ITIH5: variants seen among roughly 807,000 people sequenced by gnomAD.
The protein encoded by ITIH5 is inter-alpha-trypsin inhibitor heavy chain 5, also known as inter-alpha-trypsin inhibitor heavy chain H5.
A neutral mutation model predicts 77.5 loss-of-function variants in ITIH5; 65 were observed. The observed-to-expected ratio is 0.84, with a 90% CI of 0.69 to 1.03. The LOEUF is 1.03. Among genes scored for constraint, ITIH5 ranks in the 50% least tolerant of loss-of-function variants. The probability of loss-of-function intolerance (pLI) is 0.00; values close to 1 mark genes in which losing one functional copy is unlikely to be tolerated. For missense variants in ITIH5, 1,208 were observed against 1,213.1 expected, an observed-to-expected ratio of 1.00 and a Z score of 0.06; for synonymous variants, 525 against 494.3, an observed-to-expected ratio of 1.06 and a Z score of -0.82.
chr10:7,637,378 C>T lies in ITIH5; in HGVS notation c.502G>A (p.Gly168Ser). Residue 168 changes from glycine to serine, a missense_variant, in exon 5 of 14, where the codon GGC becomes AGC. Gly to Ser is a moderately conservative substitution (Grantham distance 56). Transcript: ENST00000397146. ...SYEELLQRRL[G>S]KYEHSISVRP... is the part of the protein sequence containing the mutation. ...ACGCTGATGCTGTGCTCGTACTTGC[C>T]CAGGCGCCTCTGCAGAAGCTCCTCA... The T allele has an allele frequency of 1.2e-6, 2 of 1,614,210 alleles. No individual in the cohort carries two copies. The highest frequency in any genetic ancestry group is 2.2e-5 in the South Asian group (2 of 91,088).
chr10:7,658,344 G>A (rs1010590456), intron 1 of ITIH5, among the ~76,000 whole-genome samples: 10 of 152,122 alleles, frequency 6.6e-5, no homozygotes, highest in African/African-American at 2.4e-4. Flanking sequence ...GCCATTCTAA[G>A]CCATTATAGA....
At chr10:7,586,397 G>A (rs1038251583) in intron 7 of ITIH5, among the ~76,000 whole-genome samples, 30 of 152,116 alleles carry the variant, frequency 2.0e-4, no homozygotes, top group African/African-American at 7.2e-4. Context: ...CACTTGACAA[G>A]CCCCTCATCA....
Position 7,573,165 on chromosome 10 carries a change from C to A in ITIH5, c.2009G>T (p.Arg670Ile). The part of the protein sequence containing the change: ...GPLLKKPYQP[R>I]IKISKTSVDG... ...ACCTGATGTTTTAGAGATTTTAATT[C>A]TTGGCTGGTATGGCTTCTTGAGCAA... Residue 670 changes from arginine (R) to isoleucine (I), a missense_variant, in exon 11 of 14, where the codon AGA becomes ATA. Coordinates refer to ENST00000397146, the MANE Select transcript of ITIH5 (RefSeq NM_030569.7). The A allele has an allele frequency of 1.2e-6, 2 of 1,613,764 alleles. No individual in the cohort carries two copies. The highest frequency in any genetic ancestry group is 1.3e-5 in the African/African-American group (1 of 74,968).
chr10:7,663,191 T>G (rs1228154821), intron 1 of ITIH5, among the ~76,000 whole-genome samples: 2 of 152,242 alleles, frequency 1.3e-5, no homozygotes. Context: ...CAATCCAGGC[T>G]TTGCACATAG....
chr10:7,651,378 G>A (rs988495635), intron 2 of ITIH5, among the ~76,000 whole-genome samples: 4 of 152,172 alleles, frequency 2.6e-5, no homozygotes, highest in African/African-American at 9.7e-5. Flanking sequence ...GAGGTCAGGA[G>A]TTTAAGACCA....
intron 5 of ITIH5, chr10:7,619,689 G>A (rs568723609): frequency 2.2e-5 from 5 of 230,314 alleles, no homozygotes; most frequent in South Asian, 1.7e-4. Context: ...ACTGGGAAGC[G>A]CCGGACTTTT....
At chr10:7,624,727 A>G (rs1398247159) in intron 5 of ITIH5, among the ~76,000 whole-genome samples, 1 of 146,572 alleles carries the variant, frequency 6.8e-6, no homozygotes, top group African/African-American at 2.5e-5. Context: ...CAGAGGTTGC[A>G]GTGAGCCAAG....
At chr10:7,581,195 A>G (rs1340240256) in intron 8 of ITIH5, among the ~76,000 whole-genome samples, 2 of 152,184 alleles carry the variant, frequency 1.3e-5, no homozygotes, top group African/African-American at 4.8e-5. Flanking sequence ...AGAAGACGGA[A>G]GTTGCAGTGA....
chr10:7,579,447 C>T lies in ITIH5; in HGVS notation c.1418+308G>A, dbSNP rs573198672. 1.5e-4 allele frequency among the ~76,000 whole-genome samples: 23 copies of T among 152,174 alleles called. 1 individual carries two copies. In the South Asian group the frequency reaches 4.8e-3, roughly 32 times the overall value. Reference sequence around the variant, plus strand: ...GGCTGAGGCAAGAGAATTGCTTGAACCCAGGAAGCAGAGGTTGCAGTGAGC... The same window carrying T: ...GGCTGAGGCAAGAGAATTGCTTGAATCCAGGAAGCAGAGGTTGCAGTGAGC... On this transcript the variant is annotated intron_variant, in intron 9 of 13. Transcript: ENST00000397146.
At chr10:7,608,114 C>T (rs959863203) in intron 7 of ITIH5, among the ~76,000 whole-genome samples, 1 of 152,168 alleles carries the variant, frequency 6.6e-6, no homozygotes, top group African/African-American at 2.4e-5. Flanking sequence ...ACTCACTGGG[C>T]AAGCTTGCAT....
At chr10:7,625,388 A>G (rs1022525093) in intron 5 of ITIH5, among the ~76,000 whole-genome samples, 1 of 152,118 alleles carries the variant, frequency 6.6e-6, no homozygotes. Context: ...AATGGGTACA[A>G]AGTTTCAGTT....
At chr10:7,659,287 G>T (rs995845359) in intron 1 of ITIH5, among the ~76,000 whole-genome samples, 3 of 152,004 alleles carry the variant, frequency 2.0e-5, no homozygotes, top group African/African-American at 7.3e-5. Context: ...GCTGAGGCAG[G>T]AGAATCTCTT....
intron 1 of ITIH5, among the ~76,000 whole-genome samples, chr10:7,656,746 CTTTT>C (rs34745417): frequency 3.5e-5 from 4 of 112,836 alleles, no homozygotes; most frequent in Non-Finnish European, 3.6e-5. Context: ...GTCTATTTTT[CTTTT>C]TTTTTTTTTT....
chr10:7,585,896 T>C lies in ITIH5; in HGVS notation c.1108+5A>G. On this transcript the variant is annotated splice_donor_5th_base_variant and intron_variant, in intron 8 of 13. Coordinates refer to ENST00000397146, the MANE Select transcript of ITIH5 (RefSeq NM_030569.7). ...GCCAATGTGAAAAGAAGGTGTCATC[T>C]TTACCTCCAGTGGGTGACATATGGT... is the stretch of plus-strand genomic sequence containing the variant. The C allele has an allele frequency of 6.3e-7, 1 of 1,598,688 alleles. No homozygotes were observed. The highest frequency in any genetic ancestry group is 8.5e-7 in the Non-Finnish European group (1 of 1,173,568).
chr10:7,618,804 T>C (rs966534002), intron 5 of ITIH5: 17 of 152,252 alleles, frequency 1.1e-4, no homozygotes, highest in Non-Finnish European at 2.1e-4. Flanking sequence ...TTCCTTCTGC[T>C]GAGGGTTTAT....
chr10:7,640,746 A>G lies in ITIH5; in HGVS notation c.401+8T>C, dbSNP rs1361738553. The G allele has an allele frequency of 6.3e-7, 1 of 1,581,756 alleles. No homozygotes were observed. Among genetic ancestry groups the G allele is most frequent in the South Asian group, 1.1e-5 (1 of 90,312 alleles). On this transcript the variant is annotated splice_region_variant and intron_variant, in intron 4 of 13. Transcript: ENST00000397146. ...GGGTTTTTAATTCCTTAATTAACCA[A>G]TACTTACCCATTTTCTTCTGTGGTT...
chr10:7,653,162 T>C (rs968033165), intron 2 of ITIH5, among the ~76,000 whole-genome samples: 3 of 152,152 alleles, frequency 2.0e-5, no homozygotes, highest in Non-Finnish European at 4.4e-5. Flanking sequence ...TGAATACAGA[T>C]AGTGTTAAGA....
intron 3 of ITIH5, among the ~76,000 whole-genome samples, chr10:7,641,519 T>C (rs1305165704): frequency 1.3e-5 from 2 of 150,594 alleles, no homozygotes; most frequent in Non-Finnish European, 1.5e-5. Context: ...ATAAAGGTCA[T>C]TCATTTGTTG....
At chr10:7,601,373 C>T (rs1833012256) in intron 7 of ITIH5, among the ~76,000 whole-genome samples, 1 of 152,162 alleles carries the variant, frequency 6.6e-6, no homozygotes, top group Non-Finnish European at 1.5e-5. Context: ...GGGAGGGTGA[C>T]TGCTTTGTCC....
Sources: gnomAD v4.1 joint callset for allele counts (sites outside exome capture counted in the v4.1 genomes callset) on GRCh38, gnomAD v4.1.1 for gene constraint, MANE v1.5 for transcripts, NCBI Gene and HGNC (gene_info 2026-07-23, HGNC 2026-07-21) for gene names.